Variants in FBXL5 observed in about 807,000 individuals in gnomAD.
FBXL5 encodes F-box and leucine rich repeat protein 5.
FBXL5 carries 26 observed loss-of-function variants against 78.3 expected under a neutral mutation model. The ratio of observed to expected loss-of-function variants is 0.33; its 90% CI spans 0.24 to 0.46. FBXL5 has a LOEUF of 0.46. Among genes scored for constraint, FBXL5 ranks in the 20% least tolerant of loss-of-function variants. The probability of loss-of-function intolerance (pLI) is 1.00; values close to 1 mark genes in which losing one functional copy is unlikely to be tolerated. For synonymous variants in FBXL5, 295 were observed against 282.5 expected (o/e 1.04, Z -0.45); for missense variants, 710 against 829.2 (o/e 0.86, Z 1.77).
upstream of FBXL5, chr4:15,655,538 T>C (rs924395767): frequency 8.2e-6 from 2 of 244,732 alleles, no homozygotes; most frequent in Non-Finnish European, 1.3e-5. Flanking sequence ...TCGTTTTTTG[T>C]CGTCTTCATA....
intron 10 of FBXL5, among the ~76,000 whole-genome samples, chr4:15,608,896 CTGT>C (rs1025725939): frequency 2.6e-5 from 4 of 152,162 alleles, no homozygotes; most frequent in Non-Finnish European, 5.9e-5. Context: ...AAGACAAGCA[CTGT>C]TTTAAACTCA....
Position 15,644,524 on chromosome 4 carries a change from C to T in FBXL5, c.269G>A (p.Ser90Asn), listed in dbSNP as rs1056603712. 1 of 1,613,728 alleles carries T rather than the reference C, an allele frequency of 6.2e-7. No homozygotes were observed. The highest frequency in any genetic ancestry group is 8.5e-7 in the Non-Finnish European group (1 of 1,179,662). The change falls in exon 2 of 11, where the codon AGC (serine) becomes AAC (asparagine). Residue 90 changes from serine to asparagine, a missense_variant. Transcript: ENST00000341285. ...ATTCTTCAGTCCCTTTTCAAAGAGG[C>T]TAAGCATCTCGGAGAGTTTATTGTC... ...HSDNKLSEML[S>N]LFEKGLKNVK... is the part of the protein sequence containing the mutation.
intron 9 of FBXL5, among the ~76,000 whole-genome samples, chr4:15,616,663 C>G (rs901703718): frequency 6.6e-5 from 10 of 152,252 alleles, no homozygotes; most frequent in African/African-American, 2.2e-4. Context: ...TGACAGCCCT[C>G]CCCAAGGACC....
At chr4:15,643,533 T>G (rs1472107426) in intron 2 of FBXL5, among the ~76,000 whole-genome samples, 1 of 152,108 alleles carries the variant, frequency 6.6e-6, no homozygotes, top group Non-Finnish European at 1.5e-5. Context: ...CTCTCCTGCC[T>G]CAGCTGGGAT....
At position 15,622,554 on chromosome 4, in the gene FBXL5, T is replaced by C. The variant is rs150528262; in HGVS notation, c.1850+2698A>G. On this transcript the variant is annotated intron_variant, in intron 9 of 10. Coordinates refer to ENST00000341285, the MANE Select transcript of FBXL5 (RefSeq NM_012161.4). ...AAGTGGCATTCTCTGTATTCTTAAG[T>C]AAAGTACCCATACTTTACTTTTCTT... 5.5e-3 allele frequency among the ~76,000 whole-genome samples: 839 copies of C among 152,334 alleles called. 7 individuals carry two copies. The highest frequency in any genetic ancestry group is 0.019 in the African/African-American group (806 of 41,576).
intron 1 of FBXL5, 135 bp downstream of exon 1, chr4:15,655,069 A>G: frequency 1.7e-6 from 1 of 573,256 alleles, no homozygotes; most frequent in Non-Finnish European, 2.4e-6. Flanking sequence ...CGGCGCTGAC[A>G]GCTGCGCAGG....
intron 10 of FBXL5, among the ~76,000 whole-genome samples, chr4:15,608,577 T>C (rs946059213): frequency 6.6e-6 from 1 of 150,448 alleles, no homozygotes; most frequent in Non-Finnish European, 1.5e-5. Context: ...ACTCAGTGAG[T>C]AGACACATTT....
chr4:15,641,150 A>T (rs1013402957), intron 2 of FBXL5, among the ~76,000 whole-genome samples: 14 of 152,284 alleles, frequency 9.2e-5, no homozygotes, highest in African/African-American at 3.1e-4. Flanking sequence ...ATTGATGTAT[A>T]TATAAATTAT....
chr4:15,645,751 T>C (rs1715288236), intron 1 of FBXL5, among the ~76,000 whole-genome samples: 3 of 152,198 alleles, frequency 2.0e-5, no homozygotes, highest in African/African-American at 7.2e-5. Flanking sequence ...AATGTGTTAA[T>C]CTTGATGTTA....
At chr4:15,675,572 A>ATTTTTT (rs60660814) in intron 1 of FBXL5, among the ~76,000 whole-genome samples, 1 of 96,704 alleles carries the variant, frequency 1.0e-5, no homozygotes, top group Non-Finnish European at 2.0e-5. Context: ...CAAAACTCCT[A>ATTTTTT]TTTTTTTTTT....
At chr4:15,641,160 T>C (rs1714833452) in intron 2 of FBXL5, among the ~76,000 whole-genome samples, 1 of 152,190 alleles carries the variant, frequency 6.6e-6, no homozygotes, top group Non-Finnish European at 1.5e-5. Flanking sequence ...ATATAAATTA[T>C]ATACATTTAT....
chr4:15,669,751 A>G (rs1264302162), intron 1 of FBXL5, among the ~76,000 whole-genome samples: 2 of 152,116 alleles, frequency 1.3e-5, no homozygotes, highest in Admixed American at 6.5e-5. Context: ...TTTTTTTCTT[A>G]TTGAAAAGCA....
chr4:15,633,653 GCA>G, intron 5 of FBXL5, among the ~76,000 whole-genome samples: 1 of 152,334 alleles, frequency 6.6e-6, no homozygotes, highest in East Asian at 1.9e-4. Context: ...GAGTGCAATG[GCA>G]CAGTCTCCGC....
Position 15,638,505 on chromosome 4 carries a change from C to T in FBXL5, c.583+3G>A. 6.3e-7 allele frequency: 1 copy of T among 1,583,328 alleles called. No individual in the cohort carries two copies. Among genetic ancestry groups the T allele is most frequent in the Admixed American group, 1.9e-5 (1 of 52,056 alleles). On this transcript the variant is annotated splice_donor_region_variant and intron_variant, in intron 4 of 10. Transcript: ENST00000341285. ...AATTGTTCTTTATATATATGAATCT[C>T]ACCTTTATCTGACTTTTCATCCACG...
At chr4:15,616,632 A>T (rs563837741) in intron 9 of FBXL5, among the ~76,000 whole-genome samples, 1 of 152,120 alleles carries the variant, frequency 6.6e-6, no homozygotes, top group African/African-American at 2.4e-5. Flanking sequence ...CCTTCTCCCT[A>T]TGGTCTTTCC....
At chr4:15,633,051 T>C (rs761473966) in intron 5 of FBXL5, among the ~76,000 whole-genome samples, 2 of 152,184 alleles carry the variant, frequency 1.3e-5, no homozygotes, top group Non-Finnish European at 1.5e-5. Flanking sequence ...TATTTAATTA[T>C]GGTTAAAAAA....
chr4:15,651,180 GCTGATCAAATTTA>G (rs1715995880), intron 1 of FBXL5, among the ~76,000 whole-genome samples: 1 of 152,142 alleles, frequency 6.6e-6, no homozygotes, highest in Non-Finnish European at 1.5e-5. Flanking sequence ...TTAGTAAGTA[GCTGATCAAATTTA>G]CAGATGGAAA....
chr4:15,618,470 A>G (rs1028885729), intron 9 of FBXL5, among the ~76,000 whole-genome samples: 2 of 152,394 alleles, frequency 1.3e-5, no homozygotes, highest in South Asian at 4.1e-4. Context: ...ACTTATAAGA[A>G]GATGAATCAA....
chr4:15,611,694 T>G (rs999738576), intron 10 of FBXL5, among the ~76,000 whole-genome samples: 11 of 152,112 alleles, frequency 7.2e-5, no homozygotes, highest in African/African-American at 2.7e-4. Flanking sequence ...CAGGAATCAA[T>G]TTCCAAAATA....
Sources: gnomAD v4.1 joint callset for allele counts (sites outside exome capture counted in the v4.1 genomes callset) on GRCh38, gnomAD v4.1.1 for gene constraint, MANE v1.5 for transcripts, NCBI Gene and HGNC (gene_info 2026-07-23, HGNC 2026-07-21) for gene names.